Variants in MPP7 observed in about 807,000 individuals in gnomAD.
The protein encoded by MPP7 is MAGUK p55 subfamily member 7.
Under a neutral mutation model 76.5 loss-of-function variants are expected in MPP7, and 60 were observed. That is an observed-to-expected ratio of 0.78 (90% CI 0.64 to 0.97). The LOEUF (loss-of-function observed/expected upper bound fraction) is 0.97, where lower values mean the gene tolerates loss of function less well. Among genes scored for constraint, MPP7 ranks in the 50% least tolerant of loss-of-function variants. MPP7 has a pLI of 0.00. For synonymous variants in MPP7, 237 were observed against 244.5 expected, an observed-to-expected ratio of 0.97 and a Z score of 0.29; for missense variants, 641 against 694.0, an observed-to-expected ratio of 0.92 and a Z score of 0.86.
intron 1 of MPP7, among the ~76,000 whole-genome samples, chr10:28,248,055 A>G (rs1839493577): frequency 6.6e-6 from 1 of 152,218 alleles, no homozygotes; most frequent in Non-Finnish European, 1.5e-5. Context: ...AGAGTTATGT[A>G]AAGACGGAGC....
chr10:28,066,343 T>C (rs1334383873), intron 13 of MPP7, among the ~76,000 whole-genome samples: 1 of 152,222 alleles, frequency 6.6e-6, no homozygotes, highest in Admixed American at 6.5e-5. Flanking sequence ...ATATAGCTCA[T>C]TCAGCCACTT....
chr10:28,086,265 T>C (rs1853004685), intron 12 of MPP7, among the ~76,000 whole-genome samples: 1 of 151,928 alleles, frequency 6.6e-6, no homozygotes, highest in South Asian at 2.1e-4. Context: ...GTAACAAACC[T>C]GCATATTCTG....
At chr10:28,331,763 T>A (rs567488916) in intron 1 of MPP7, among the ~76,000 whole-genome samples, 1 of 152,116 alleles carries the variant, frequency 6.6e-6, no homozygotes, top group East Asian at 1.9e-4. Flanking sequence ...TTAGTAAAGA[T>A]GAGATTTCAC....
chr10:28,056,887 G>A (rs1023194517), intron 15 of MPP7, among the ~76,000 whole-genome samples: 9 of 152,082 alleles, frequency 5.9e-5, no homozygotes, highest in African/African-American at 2.2e-4. Flanking sequence ...CACAAAACTG[G>A]TTTTTAGATC....
At chr10:28,292,709 G>A (rs952266178) in intron 1 of MPP7, among the ~76,000 whole-genome samples, 5 of 152,080 alleles carry the variant, frequency 3.3e-5, no homozygotes, top group Admixed American at 6.6e-5. Flanking sequence ...ACACAGGAGG[G>A]AGTCATTCTT....
At chr10:28,111,616 T>C (rs779874857) in intron 11 of MPP7, among the ~76,000 whole-genome samples, 2 of 152,178 alleles carry the variant, frequency 1.3e-5, no homozygotes, top group African/African-American at 2.4e-5. Context: ...CCTTAACATA[T>C]CTAAATATCC....
chr10:28,117,891 G>C lies in MPP7; in HGVS notation c.952+1760C>G, dbSNP rs140933020. Among the ~76,000 whole-genome samples the C allele has an allele frequency of 2.2e-3, 339 of 151,990 alleles. 7 individuals are homozygous for C. Among genetic ancestry groups the C allele is most frequent in the Non-Finnish European group, 1.2e-3 (83 of 67,916 alleles). ...AATAACATATATAAAAACAAACAAT[G>C]CATCTCTCAGTGAATCAAACTCTAG... On this transcript the variant is annotated intron_variant, in intron 11 of 16. Transcript: ENST00000683449.
intron 12 of MPP7, among the ~76,000 whole-genome samples, chr10:28,082,760 C>T (rs1303314536): frequency 6.6e-6 from 1 of 152,130 alleles, no homozygotes; most frequent in South Asian, 2.1e-4. Context: ...TGAGTCACTG[C>T]GCTCAGTCTC....
intron 11 of MPP7, among the ~76,000 whole-genome samples, chr10:28,104,125 T>C (rs1343950193): frequency 6.6e-6 from 1 of 152,128 alleles, no homozygotes; most frequent in East Asian, 1.9e-4. Flanking sequence ...TTCACAGATT[T>C]GGCTAGGTGA....
chr10:28,144,336 C>T (rs937929375), intron 5 of MPP7, among the ~76,000 whole-genome samples: 25 of 152,022 alleles, frequency 1.6e-4, no homozygotes, highest in African/African-American at 6.0e-4. Flanking sequence ...TATAAGCTCA[C>T]GATTTCAGGT....
chr10:28,054,196 G>T lies in MPP7; in HGVS notation c.1600C>A (p.Gln534Lys). Residue 534 changes from glutamine to lysine, a missense_variant, in exon 17 of 17, where the codon CAA becomes AAA. Transcript: ENST00000683449. ...ATTTTGTCAAAAAGATGACCATATT[G>T]ACTTTCCATTATCTGTGCAGATTTA... is the stretch of plus-strand genomic sequence containing the variant. ...MIKSAQIMESQYGHLFDKIII... is the reference protein window; with the variant it reads ...MIKSAQIMESKYGHLFDKIII... The T allele has an allele frequency of 6.2e-7, 1 of 1,600,096 alleles. No individual in the cohort carries two copies. The highest frequency in any genetic ancestry group is 1.1e-5 in the South Asian group (1 of 90,148).
At chr10:28,193,243 C>T (rs1260757935) in intron 3 of MPP7, among the ~76,000 whole-genome samples, 3 of 145,508 alleles carry the variant, frequency 2.1e-5, no homozygotes, top group African/African-American at 5.1e-5. Context: ...GACGGAGTCT[C>T]GCTCTGTCGC....
At chr10:28,300,155 T>C (rs1208721856) in intron 1 of MPP7, among the ~76,000 whole-genome samples, 1 of 152,110 alleles carries the variant, frequency 6.6e-6, no homozygotes, top group Non-Finnish European at 1.5e-5. Flanking sequence ...TCTTTGTCAG[T>C]GAAATGTTTA....
intron 1 of MPP7, among the ~76,000 whole-genome samples, chr10:28,264,772 G>T (rs961412703): frequency 1.9e-4 from 29 of 152,066 alleles, no homozygotes; most frequent in African/African-American, 6.5e-4. Context: ...TGGAATGAAA[G>T]AATGATTTCC....
At chr10:28,214,340 C>G (rs985510117) in intron 2 of MPP7, among the ~76,000 whole-genome samples, 2 of 152,196 alleles carry the variant, frequency 1.3e-5, no homozygotes, top group East Asian at 3.9e-4. Flanking sequence ...GTCATGTTCC[C>G]ATTCTTCAGG....
intron 12 of MPP7, among the ~76,000 whole-genome samples, chr10:28,082,098 T>A (rs980217533): frequency 1.3e-5 from 2 of 152,184 alleles, no homozygotes; most frequent in African/African-American, 4.8e-5. Context: ...ACTTTTTCCA[T>A]CTTCCTACAT....
chr10:28,090,215 C>G (rs977990027), intron 11 of MPP7, among the ~76,000 whole-genome samples: 7 of 152,138 alleles, frequency 4.6e-5, no homozygotes, highest in African/African-American at 1.7e-4. Context: ...CCCAGTTTAG[C>G]TTCCCAAAGT....
At chr10:28,160,931 T>C (rs906230755) in intron 3 of MPP7, among the ~76,000 whole-genome samples, 3 of 152,240 alleles carry the variant, frequency 2.0e-5, no homozygotes, top group South Asian at 2.1e-4. Context: ...GAACAGGTTT[T>C]AGCATTTCAT....
chr10:28,175,677 T>G (rs949769902), intron 3 of MPP7, among the ~76,000 whole-genome samples: 1 of 152,146 alleles, frequency 6.6e-6, no homozygotes, highest in East Asian at 1.9e-4. Flanking sequence ...GTATGATACT[T>G]AAGATATTCA....
Sources: allele counts gnomAD v4.1 joint callset (sites outside exome capture counted in the v4.1 genomes callset), GRCh38; gene constraint gnomAD v4.1.1; transcripts MANE v1.5; gene names NCBI Gene and HGNC (gene_info 2026-07-23, HGNC 2026-07-21).